Variants in SV2C observed in about 807,000 individuals in gnomAD.
The protein encoded by SV2C is solute carrier family 22 member B3.
Under a neutral mutation model 79.7 loss-of-function variants are expected in SV2C, and 49 were observed. The ratio of observed to expected loss-of-function variants is 0.61; its 90% confidence interval spans 0.49 to 0.78. SV2C has a LOEUF of 0.78. Ranked by LOEUF, SV2C falls within the 30% of genes least tolerant of loss-of-function variation. The pLI is 0.00. For missense variants in SV2C, 833 were observed against 912.9 expected (o/e 0.91, Z 1.13); for synonymous variants, 334 against 333.2 (o/e 1.00, Z -0.03).
the SV2C span, among the ~76,000 whole-genome samples, chr5:75,933,825 CA>C: frequency 4.6e-5 from 7 of 152,162 alleles, no homozygotes; most frequent in Non-Finnish European, 7.4e-5. Context: ...CCTGCCTGAC[CA>C]AAACTAACTT....
intron 1 of SV2C, among the ~76,000 whole-genome samples, chr5:76,126,440 A>T (rs1431592304): frequency 6.6e-6 from 1 of 152,112 alleles, no homozygotes; most frequent in East Asian, 1.9e-4. Context: ...CATCTCAAAG[A>T]TGTGCTCAGT....
chr5:76,186,654 T>C (rs1025736700), intron 2 of SV2C, among the ~76,000 whole-genome samples: 3 of 151,872 alleles, frequency 2.0e-5, no homozygotes, highest in African/African-American at 7.3e-5. Flanking sequence ...GTTACACCAC[T>C]GCACTCCAGG....
chr5:76,005,382 G>A, the SV2C span, among the ~76,000 whole-genome samples: 9 of 152,234 alleles, frequency 5.9e-5, no homozygotes, highest in East Asian at 3.9e-4. Flanking sequence ...GCAAATATGC[G>A]CTCTTCTCAT....
the SV2C span, among the ~76,000 whole-genome samples, chr5:75,868,662 G>A: frequency 6.6e-6 from 1 of 152,164 alleles, no homozygotes; most frequent in Non-Finnish European, 1.5e-5. Context: ...TAGGTCATAA[G>A]CTGAGGGTGG....
chr5:76,242,312 G>A, intron 4 of SV2C: 1 of 1,467,064 alleles, frequency 6.8e-7, no homozygotes, highest in Non-Finnish European at 9.4e-7. Context: ...GGCAGCGACG[G>A]CAGCGGGACA....
At chr5:76,044,360 G>C in the SV2C span, among the ~76,000 whole-genome samples, 1 of 152,116 alleles carries the variant, frequency 6.6e-6, no homozygotes, top group Non-Finnish European at 1.5e-5. Context: ...GAATAGTGCT[G>C]CAATGAACAT....
At chr5:76,138,968 A>C (rs935281252) in intron 2 of SV2C, among the ~76,000 whole-genome samples, 1 of 152,000 alleles carries the variant, frequency 6.6e-6, no homozygotes, top group Non-Finnish European at 1.5e-5. Context: ...AATCCAAAAA[A>C]ATTAGTCGGG....
chr5:76,211,460 TTGCG>T (rs1561266085), intron 4 of SV2C, among the ~76,000 whole-genome samples: 2 of 101,938 alleles, frequency 2.0e-5, no homozygotes, highest in African/African-American at 8.8e-5. Context: ...AGTGTTCTGG[TTGCG>T]TGTGTGTGTG....
At chr5:76,226,464 T>C (rs1353234055) in intron 4 of SV2C, among the ~76,000 whole-genome samples, 1 of 152,132 alleles carries the variant, frequency 6.6e-6, no homozygotes, top group Non-Finnish European at 1.5e-5. Flanking sequence ...AAAGGCAAAA[T>C]TCTGGATATT....
chr5:76,194,164 G>C (rs1205456330), intron 2 of SV2C, among the ~76,000 whole-genome samples: 1 of 151,772 alleles, frequency 6.6e-6, no homozygotes, highest in African/African-American at 2.4e-5. Flanking sequence ...GAAGGGGATA[G>C]GCGAGGCTTT....
intron 1 of SV2C, among the ~76,000 whole-genome samples, chr5:76,096,319 A>G (rs1747559546): frequency 6.6e-6 from 1 of 152,140 alleles, no homozygotes; most frequent in Non-Finnish European, 1.5e-5. Flanking sequence ...CAATACTTGT[A>G]TTCTTTATGC....
the SV2C span, among the ~76,000 whole-genome samples, chr5:76,071,653 G>A: frequency 6.6e-6 from 1 of 152,268 alleles, no homozygotes; most frequent in East Asian, 1.9e-4. Context: ...AATACCTTTA[G>A]ATCATGCTAA....
chr5:76,270,512 G>A (rs1389887618), intron 4 of SV2C, among the ~76,000 whole-genome samples: 1 of 152,178 alleles, frequency 6.6e-6, no homozygotes, highest in Non-Finnish European at 1.5e-5. Context: ...TTGCTGGTGA[G>A]CCTTTGCTGA....
intron 2 of SV2C, among the ~76,000 whole-genome samples, chr5:76,171,660 T>TA (rs1323072396): frequency 5.4e-5 from 4 of 74,244 alleles, no homozygotes; most frequent in East Asian, 4.2e-4. Flanking sequence ...GGGAGGGAGG[T>TA]GGGGGGTCAG....
chr5:75,887,381 C>T, the SV2C span, among the ~76,000 whole-genome samples: 432 of 152,100 alleles, frequency 2.8e-3, 5 homozygotes, highest in African/African-American at 9.8e-3. Context: ...CCCAGCCCCC[C>T]GTAACCAAGT....
intron 3 of SV2C, among the ~76,000 whole-genome samples, chr5:76,195,884 AT>A (rs1332039576): frequency 3.3e-5 from 5 of 152,206 alleles, no homozygotes; most frequent in Non-Finnish European, 4.4e-5. Flanking sequence ...TCTATAACAA[AT>A]CTGCACATGT....
At chr5:76,165,879 C>A in intron 2 of SV2C, among the ~76,000 whole-genome samples, 1 of 152,076 alleles carries the variant, frequency 6.6e-6, no homozygotes. Flanking sequence ...AAAGCAGGAA[C>A]TGAATTGAGA....
intron 4 of SV2C, among the ~76,000 whole-genome samples, chr5:76,260,958 GT>G (rs150412697): frequency 0.48 from 73,253 of 151,890 alleles, 17,972 homozygotes; most frequent in South Asian, 0.54. Context: ...ATTTCAAGTA[GT>G]TTTTTTCTAG....
chr5:76,310,632 G>A (rs1224082448), intron 12 of SV2C, among the ~76,000 whole-genome samples: 3 of 152,210 alleles, frequency 2.0e-5, no homozygotes, highest in African/African-American at 7.2e-5. Flanking sequence ...GTGGCAAGAG[G>A]TAATGGTGCC....
Sources: allele counts gnomAD v4.1 joint callset (sites outside exome capture counted in the v4.1 genomes callset), GRCh38; gene constraint gnomAD v4.1.1; transcripts MANE v1.5; gene names NCBI Gene and HGNC (gene_info 2026-07-23, HGNC 2026-07-21).